The following PCDHGA3 variants were observed in gnomAD, a reference collection of about 807,000 sequenced individuals.
PCDHGA3 encodes protocadherin gamma-A3.
Under a neutral mutation model 58.5 loss-of-function variants are expected in PCDHGA3, and 40 were observed. That is an observed-to-expected ratio of 0.68 (90% CI 0.53 to 0.89). The LOEUF (loss-of-function observed/expected upper bound fraction) is 0.89, where lower values mean the gene tolerates loss of function less well. PCDHGA3 is among the 40% of genes least tolerant of loss of function. The probability of loss-of-function intolerance (pLI) is 0.00; values close to 1 mark genes in which losing one functional copy is unlikely to be tolerated. For missense variants in PCDHGA3, 1,223 were observed against 1,195.9 expected, an observed-to-expected ratio of 1.02 and a Z score of -0.33; for synonymous variants, 530 against 525.7, an observed-to-expected ratio of 1.01 and a Z score of -0.11.
intron 1 of PCDHGA3, among the ~76,000 whole-genome samples, chr5:141,363,469 T>G (rs892599047): frequency 2.0e-5 from 3 of 152,254 alleles, no homozygotes; most frequent in African/African-American, 4.8e-5. Context: ...TATCTGCTCA[T>G]GCTTTCCTGC....
At position 141,384,205 on chromosome 5, in the gene PCDHGA3, A is replaced by G. The variant is rs537255250; in HGVS notation, c.2424+37748A>G. 3.1e-6 allele frequency: 5 copies of G among 1,613,874 alleles called. No homozygotes were observed. In the African/African-American group the frequency reaches 4.0e-5, roughly 13 times the overall value. On this transcript the variant is annotated intron_variant, in intron 1 of 3. Transcript: ENST00000253812. ...TGGAACTCCTCCCTTGTCCAGGGAAACTCACATATTCATGCAGGTGGCAGA... is the reference window on the plus strand; with the variant it reads ...TGGAACTCCTCCCTTGTCCAGGGAAGCTCACATATTCATGCAGGTGGCAGA...
In PCDHGA3 at chr5:141,360,095, C is replaced by G. The variant is rs1402675837; in HGVS notation, c.2424+13638C>G. On this transcript the variant is annotated intron_variant, in intron 1 of 3. Coordinates refer to ENST00000253812, the MANE Select transcript of PCDHGA3 (RefSeq NM_018916.4). Reference sequence around the variant, plus strand: ...CCCGGATTCTGCCATCCCCGGAAGGCTTATTCCTCCTATGGGCAAAGGAGC... The same window carrying G: ...CCCGGATTCTGCCATCCCCGGAAGGGTTATTCCTCCTATGGGCAAAGGAGC... 8 of 1,523,900 alleles carry G rather than the reference C, an allele frequency of 5.2e-6. No individual in the cohort carries two copies. The African/African-American group carries it at 1.1e-4, about 21-fold the overall frequency. The allele number at this position is 1,523,900 out of a possible 1,614,324, so 94.4% of individuals were successfully genotyped here.
intron 1 of PCDHGA3, among the ~76,000 whole-genome samples, chr5:141,407,414 C>T (rs1190741475): frequency 6.6e-6 from 1 of 152,156 alleles, no homozygotes; most frequent in Non-Finnish European, 1.5e-5. Flanking sequence ...TTCGATACCA[C>T]AAAAATGTCT....
chr5:141,396,179 C>G (rs948602586), intron 1 of PCDHGA3: 1 of 152,178 alleles, frequency 6.6e-6, no homozygotes, highest in African/African-American at 2.4e-5. Context: ...CTTGGCTGGA[C>G]ACAGTGCCTC....
intron 1 of PCDHGA3, chr5:141,366,010 T>C (rs1764260638): frequency 1.2e-6 from 2 of 1,614,114 alleles, no homozygotes; most frequent in Non-Finnish European, 1.7e-6. Flanking sequence ...ACAATACGCC[T>C]GAGATCCTGT....
intron 1 of PCDHGA3, chr5:141,372,459 C>CT: frequency 6.2e-7 from 1 of 1,614,070 alleles, no homozygotes; most frequent in South Asian, 1.1e-5. Context: ...GGCGGAGCTA[C>CT]AGTTTCACCT....
At chr5:141,366,535 G>T (rs1463456881) in intron 1 of PCDHGA3, 2 of 1,614,262 alleles carry the variant, frequency 1.2e-6, no homozygotes. Context: ...TGGCGGGTGT[G>T]CCCGCCTCGC....
chr5:141,349,218 C>T lies in PCDHGA3; in HGVS notation c.2424+2761C>T, dbSNP rs369129742. Among the ~76,000 whole-genome samples the T allele has an allele frequency of 9.8e-5, 14 of 143,290 alleles. No individual in the cohort carries two copies. The East Asian group carries it at 1.2e-3, about 12-fold the overall frequency. 94.0% of individuals were successfully genotyped at this position (143,290 alleles called of 152,430 possible). A position where few individuals can be genotyped will look rare whatever the true frequency, so the allele number is the denominator to read the frequency against. ...CCGAGTAGCTGGCGTTACAGGTACC[C>T]GCCACCATGCCTGGATAATTTTTAT... On this transcript the variant is annotated intron_variant, in intron 1 of 3. Coordinates refer to ENST00000253812, the MANE Select transcript of PCDHGA3 (RefSeq NM_018916.4).
chr5:141,357,393 G>A lies in PCDHGA3; in HGVS notation c.2424+10936G>A, dbSNP rs759583141. On this transcript the variant is annotated intron_variant, in intron 1 of 3. Coordinates refer to ENST00000253812, the MANE Select transcript of PCDHGA3 (RefSeq NM_018916.4). Reference sequence around the variant, plus strand: ...GCCTGCTTCACGCTGAAGGCAGCAGGTTGGCAGGTGTGCCTGCCTCGCACT... The same window carrying A: ...GCCTGCTTCACGCTGAAGGCAGCAGATTGGCAGGTGTGCCTGCCTCGCACT... The A allele has an allele frequency of 6.2e-6, 10 of 1,614,130 alleles. No homozygotes were observed. The African/African-American group carries it at 1.3e-4, about 22-fold the overall frequency.
chr5:141,392,416 T>C (rs576614359), intron 1 of PCDHGA3: 1 of 157,618 alleles, frequency 6.3e-6, no homozygotes, highest in African/African-American at 2.4e-5. Flanking sequence ...AAAACCTTCA[T>C]CTCACATTCT....
Position 141,403,961 on chromosome 5 carries a change from G to A in PCDHGA3, c.2424+57504G>A, listed in dbSNP as rs763967342. 8.1e-6 allele frequency: 13 copies of A among 1,613,892 alleles called. No individual in the cohort carries two copies. Among genetic ancestry groups the A allele is most frequent in the Non-Finnish European group, 1.1e-5 (13 of 1,179,856 alleles). On this transcript the variant is annotated intron_variant, in intron 1 of 3. Transcript: ENST00000253812. ...AGGGTGGACAAAAGTGCTCATTTCG[G>A]TGGAAGATGTAAATGACAATAGACC...
chr5:141,351,683 C>G (rs373123826), intron 1 of PCDHGA3: 1 of 1,614,002 alleles, frequency 6.2e-7, no homozygotes, highest in Non-Finnish European at 8.5e-7. Context: ...CGCCTCCGAC[C>G]CGGATTTGGG....
chr5:141,491,871 C>T lies in PCDHGA3; in HGVS notation c.2425-2936C>T, dbSNP rs1222191027. 2.1e-6 allele frequency: 3 copies of T among 1,451,434 alleles called. No individual in the cohort carries two copies. Among genetic ancestry groups the T allele is most frequent in the Non-Finnish European group, 2.7e-6 (3 of 1,098,418 alleles). 89.9% of individuals were successfully genotyped at this position (1,451,434 alleles called of 1,614,324 possible). ...ACCGTTTGCGCGAAACCAGAGTGGC[C>T]GATTAAGGGATGGGGCTCCGAGCAC... On this transcript the variant is annotated intron_variant, in intron 1 of 3. Transcript: ENST00000253812. The surrounding 1 kb of genome is among the most constrained non-coding windows in gnomAD (Gnocchi z 6.9).
In PCDHGA3 at chr5:141,510,834, G is replaced by A. The variant is rs1043468083; in HGVS notation, c.2573-113G>A. 49 of 1,581,762 alleles carry A rather than the reference G, an allele frequency of 3.1e-5. 1 individual carries two copies. The highest frequency in any genetic ancestry group is 4.0e-5 in the Non-Finnish European group (46 of 1,161,670). On this transcript the variant is annotated intron_variant, in intron 3 of 3. Coordinates refer to ENST00000253812, the MANE Select transcript of PCDHGA3 (RefSeq NM_018916.4). ...GACCCCTATATTCCCAGTGCTCAGC[G>A]TGGTCAAGGCCCAGGGTGCTGTATA...
chr5:141,352,742 C>T, intron 1 of PCDHGA3: 1 of 1,466,892 alleles, frequency 6.8e-7, no homozygotes, highest in Non-Finnish European at 9.2e-7. Flanking sequence ...GTAATCCCAG[C>T]ACTTAACCAG....
chr5:141,460,924 A>ATATATG (rs1561985817), intron 1 of PCDHGA3, among the ~76,000 whole-genome samples: 1 of 150,496 alleles, frequency 6.6e-6, no homozygotes, highest in African/African-American at 2.4e-5. Flanking sequence ...ATATATATAT[A>ATATATG]TGTGTGTGTG....
intron 1 of PCDHGA3, chr5:141,366,760 T>C (rs1041895625): frequency 1.9e-6 from 3 of 1,605,346 alleles, no homozygotes; most frequent in African/African-American, 2.7e-5. Context: ...AGGTTAGTTT[T>C]CTCTTTCGGT....
At chr5:141,506,119 G>T (rs1171566108) in intron 3 of PCDHGA3, among the ~76,000 whole-genome samples, 1 of 152,106 alleles carries the variant, frequency 6.6e-6, no homozygotes, top group African/African-American at 2.4e-5. Context: ...AGTCACTAGG[G>T]CCCAGAGCAG....
At chr5:141,371,661 A>G (rs1767926487) in intron 1 of PCDHGA3, 2 of 1,614,044 alleles carry the variant, frequency 1.2e-6, no homozygotes, top group Admixed American at 1.7e-5. Context: ...TGTGACGATC[A>G]CAGCTACCGA....
Sources: allele counts gnomAD v4.1 joint callset (sites outside exome capture counted in the v4.1 genomes callset), GRCh38; gene constraint gnomAD v4.1.1; non-coding constraint Gnocchi (gnomAD v3.1); transcripts MANE v1.5; gene names NCBI Gene and HGNC (gene_info 2026-07-23, HGNC 2026-07-21).